The following COX15 variants were observed in gnomAD, a reference collection of about 807,000 sequenced individuals.
COX15 encodes cytochrome c oxidase assembly factor COX15.
Under a neutral mutation model 51.9 loss-of-function variants are expected in COX15, and 51 were observed. The ratio of observed to expected loss-of-function variants is 0.98; its 90% CI spans 0.78 to 1.24. The LOEUF is 1.24. Among genes scored for constraint, COX15 ranks in the 50% most tolerant of loss-of-function variants. COX15 has a pLI of 0.00. For missense variants in COX15, 420 were observed against 501.1 expected (o/e 0.84, Z 1.55); for synonymous variants, 188 against 190.5 (o/e 0.99, Z 0.11).
Position 99,718,357 on chromosome 10 carries a change from G to T in COX15, c.976C>A (p.His326Asn), listed in dbSNP as rs1328413218. The T allele has an allele frequency of 6.2e-7, 1 of 1,614,102 alleles. No homozygotes were observed. Reference sequence around the variant, plus strand: ...CCAACTACACTTACCAGAATCCGGTGATCAAACTGCACCATGGTGGGATTC... The same window carrying T: ...CCAACTACACTTACCAGAATCCGGTTATCAAACTGCACCATGGTGGGATTC... Reference protein sequence around the residue: ...FENPTMVQFDHRILGITSVTA... With the variant: ...FENPTMVQFDNRILGITSVTA... Residue 326 changes from histidine to asparagine, a missense_variant, in exon 7 of 9, where the codon CAC becomes AAC. Transcript: ENST00000016171.
intron 2 of COX15, 144 bp from the exon 3 acceptor site, chr10:99,727,707 T>C: frequency 9.6e-7 from 1 of 1,041,726 alleles, no homozygotes; most frequent in Admixed American, 2.0e-5. Context: ...CATTTCTCTG[T>C]TACTGCTTGG....
At position 99,727,008 on chromosome 10, in the gene COX15, T is replaced by C; in HGVS notation, c.542A>G (p.Lys181Arg). The change falls in exon 4 of 9, where the codon AAA (lysine) becomes AGA (arginine). Residue 181 changes from lysine to arginine, a missense_variant. Physicochemically the swap from Lys to Arg is conservative, Grantham distance 26 (BLOSUM62 2). Coordinates refer to ENST00000016171, the MANE Select transcript of COX15 (RefSeq NM_078470.6). ...WRKGWLSRGM[K>R]GRVLALCGLV... ...GCCACAGAGGGCAAGAACACGTCCT[T>C]TCATGCCACGGCTGAGCCAGCCCTT... 1 of 1,614,152 alleles carries C rather than the reference T, an allele frequency of 6.2e-7. No homozygotes were observed. The highest frequency in any genetic ancestry group is 8.5e-7 in the Non-Finnish European group (1 of 1,180,026).
chr10:99,724,092 C>A lies in COX15; in HGVS notation c.614G>T (p.Gly205Val). The part of the protein sequence containing the change: ...GLLGWYMVKS[G>V]LEEKSDSHDI... ...ATGGGAGTCTGATTTTTCTTCTAGT[C>A]CACTTTTCACCATATACCATCCCAA... Residue 205 changes from glycine to valine, a missense_variant, in exon 5 of 9, where the codon GGA (glycine) becomes GTA (valine). Transcript: ENST00000016171. The A allele has an allele frequency of 1.2e-6, 2 of 1,614,118 alleles. No individual in the cohort carries two copies. Among genetic ancestry groups the A allele is most frequent in the Non-Finnish European group, 1.7e-6 (2 of 1,180,016 alleles).
At chr10:99,727,795 C>A (rs77796661) in intron 2 of COX15, among the ~76,000 whole-genome samples, 1 of 152,098 alleles carries the variant, frequency 6.6e-6, no homozygotes, top group Admixed American at 6.5e-5. Context: ...TTCAACTCTC[C>A]CCAATTCTTT....
chr10:99,720,272 C>T (rs973653808), intron 6 of COX15, among the ~76,000 whole-genome samples: 17 of 152,074 alleles, frequency 1.1e-4, no homozygotes, highest in African/African-American at 3.9e-4. Flanking sequence ...TGGTGAAACC[C>T]CATCTCTACT....
chr10:99,714,843 A>AT (rs1323805141), intron 8 of COX15, 125 bp from the exon 9 acceptor site: 48 of 1,508,980 alleles, frequency 3.2e-5, no homozygotes, highest in Non-Finnish European at 4.1e-5. Flanking sequence ...AAATACACAC[A>AT]TTTTTAATTT....
chr10:99,699,596 G>A, the COX15 span, among the ~76,000 whole-genome samples: 14 of 152,062 alleles, frequency 9.2e-5, no homozygotes, highest in African/African-American at 2.9e-4. Flanking sequence ...ATGGGGTCTC[G>A]CTCTGTAGCC....
chr10:99,698,624 C>A, the COX15 span: 2 of 1,614,196 alleles, frequency 1.2e-6, no homozygotes, highest in Non-Finnish European at 1.7e-6. Flanking sequence ...TGGAGAGGAA[C>A]AGCCAAGTCT....
chr10:99,727,712 G>A lies in COX15; in HGVS notation c.273-149C>T. On this transcript the variant is annotated intron_variant, in intron 2 of 8. Transcript: ENST00000016171. The stretch of plus-strand genomic sequence containing the variant: ...TCTTTTGAGACATTTCTCTGTTACT[G>A]CTTGGAATTTTGTCAGAAACAGCTG... 1.2e-5 allele frequency: 12 copies of A among 1,008,932 alleles called. No homozygotes were observed. The South Asian group carries it at 1.5e-4, about 13-fold the overall frequency. The allele number at this position is 1,008,932 out of a possible 1,614,324, so 62.5% of individuals were successfully genotyped here.
At position 99,729,592 on chromosome 10, in the gene COX15, C is replaced by A; in HGVS notation, c.233G>T (p.Gly78Val). The A allele has an allele frequency of 6.2e-7, 1 of 1,613,962 alleles. No individual in the cohort carries two copies. Reference protein sequence around the residue: ...VVGRWLLVCSGTVAGAVILGG... With the variant: ...VVGRWLLVCSVTVAGAVILGG... ...AAGAATAACTGCTCCAGCCACTGTTCCACTGCAGACCAGGAGCCATCGGCC... is the reference window on the plus strand; with the variant it reads ...AAGAATAACTGCTCCAGCCACTGTTACACTGCAGACCAGGAGCCATCGGCC... The change falls in exon 2 of 9, where the codon GGA becomes GTA. Residue 78 changes from glycine to valine, a missense_variant. By Grantham distance (109) the Gly-to-Val change is moderately radical. Coordinates refer to ENST00000016171, the MANE Select transcript of COX15 (RefSeq NM_078470.6).
chr10:99,708,791 A>G (rs1183928615), downstream of COX15: 21 of 983,868 alleles, frequency 2.1e-5, no homozygotes, highest in Non-Finnish European at 2.5e-5. Context: ...AGCAGTTGTA[A>G]TATGTGCAAA....
intron 1 of COX15, 51 bp downstream of exon 1, chr10:99,731,909 C>A: frequency 6.4e-7 from 1 of 1,563,378 alleles, no homozygotes; most frequent in Non-Finnish European, 8.7e-7. Context: ...TATCCCGGCC[C>A]TTTCACTCCA....
intron 1 of COX15, 77 bp downstream of exon 1, chr10:99,731,883 G>C: frequency 6.5e-7 from 1 of 1,533,300 alleles, no homozygotes; most frequent in Non-Finnish European, 8.8e-7. Flanking sequence ...CGTGATGTGG[G>C]GCTCTACATT....
chr10:99,721,277 C>A (rs908398349), intron 5 of COX15, among the ~76,000 whole-genome samples: 17 of 152,138 alleles, frequency 1.1e-4, no homozygotes, highest in Non-Finnish European at 1.9e-4. Context: ...CCCTTCTACC[C>A]CATAAGTTTT....
chr10:99,726,948 C>A lies in COX15; in HGVS notation c.582+20G>T. ...GCTCCTGGGAGCATTTCTGGTTTCT[C>A]AACCTTGAATAAATCTTACCTGGAA... is the stretch of plus-strand genomic sequence containing the variant. On this transcript the variant is annotated intron_variant, in intron 4 of 8. Transcript: ENST00000016171. 1 of 1,597,806 alleles carries A rather than the reference C, an allele frequency of 6.3e-7. No homozygotes were observed. Among genetic ancestry groups the A allele is most frequent in the South Asian group, 1.1e-5 (1 of 90,758 alleles).
rs763489824 is a variant in COX15, at chr10:99,714,242, G to A, written c.*345C>T. Reference sequence around the variant, plus strand: ...CTATTTAGGCAGAATTAAGGACTCAGGAGAACATCCACGTAGAAATCATCC... The same window carrying A: ...CTATTTAGGCAGAATTAAGGACTCAAGAGAACATCCACGTAGAAATCATCC... On this transcript the variant is annotated 3_prime_UTR_variant, in exon 9 of 9. Transcript: ENST00000016171. 1.4e-5 allele frequency: 16 copies of A among 1,155,034 alleles called. No homozygotes were observed. The highest frequency in any genetic ancestry group is 1.6e-5 in the Non-Finnish European group (15 of 927,258). The allele number at this position is 1,155,034 out of a possible 1,614,324, so 71.5% of individuals were successfully genotyped here. A position where few individuals can be genotyped will look rare whatever the true frequency, so the allele number is the denominator to read the frequency against.
intron 2 of COX15, 26 bp downstream of exon 2, chr10:99,729,527 T>G (rs750992553): frequency 2.5e-5 from 40 of 1,604,336 alleles, no homozygotes; most frequent in Non-Finnish European, 3.3e-5. Context: ...TCCAAATACC[T>G]GACTCACTAC....
At position 99,718,487 on chromosome 10, in the gene COX15, TGCC is replaced by T; in HGVS notation, c.843_845del (p.Ala282del). 1 of 1,614,148 alleles carries T rather than the reference TGCC, an allele frequency of 6.2e-7. No individual in the cohort carries two copies. The highest frequency in any genetic ancestry group is 1.1e-5 in the South Asian group (1 of 91,086). On this transcript the variant is annotated inframe_deletion, in exon 7 of 9. Coordinates refer to ENST00000016171, the MANE Select transcript of COX15 (RefSeq NM_078470.6). ...TATAAACAAGCCCAGCATCTAGCCC[TGCC>T]ACAAAAGCCCCTGTATTCCAAGGTA...
chr10:99,698,201 C>T, the COX15 span, among the ~76,000 whole-genome samples: 8 of 152,290 alleles, frequency 5.3e-5, no homozygotes, highest in East Asian at 1.5e-3. Context: ...CCACACTCCG[C>T]ACGATAAGGT....
Sources: gnomAD v4.1 joint callset for allele counts (sites outside exome capture counted in the v4.1 genomes callset) on GRCh38, gnomAD v4.1.1 for gene constraint, MANE v1.5 for transcripts, NCBI Gene and HGNC (gene_info 2026-07-23, HGNC 2026-07-21) for gene names.